The following RFTN1 variants were observed in gnomAD, a reference collection of about 807,000 sequenced individuals.
RFTN1 encodes the protein raftlin.
RFTN1 carries 26 observed loss-of-function variants against 46.5 expected under a neutral mutation model. The ratio of observed to expected loss-of-function variants is 0.56; its 90% CI spans 0.41 to 0.78. The LOEUF (loss-of-function observed/expected upper bound fraction) is 0.78, where lower values mean the gene tolerates loss of function less well. Ranked by LOEUF, RFTN1 falls within the 30% of genes least tolerant of loss-of-function variation. The pLI is 0.00. For missense variants in RFTN1, 693 were observed against 718.7 expected (o/e 0.96, Z 0.41); for synonymous variants, 261 against 284.2 (o/e 0.92, Z 0.82).
rs1221283425 is a variant in RFTN1 at position 16,320,501 on chromosome 3, A to G, written c.1332+2875T>C. ...AAAATCTGGGTACACAACACAGGAA[A>G]AAGGTCTTTGCTCTTGTGGAGACTA... On this transcript the variant is annotated intron_variant, in intron 9 of 9. Coordinates refer to ENST00000334133, the MANE Select transcript of RFTN1 (RefSeq NM_015150.2). This position sits in a 1 kb window ranked among gnomAD's most constrained non-coding sequence, Gnocchi z 4.5. 6.6e-6 allele frequency among the ~76,000 whole-genome samples: 1 copy of G among 152,242 alleles called. No individual in the cohort carries two copies. The highest frequency in any genetic ancestry group is 2.4e-5 in the African/African-American group (1 of 41,462).
At chr3:16,333,427 A>G (rs1207289814) in intron 7 of RFTN1, among the ~76,000 whole-genome samples, 1 of 152,248 alleles carries the variant, frequency 6.6e-6, no homozygotes, top group East Asian at 1.9e-4. Flanking sequence ...TAGTAAGCAG[A>G]TGAATTTGCA....
At chr3:16,350,519 C>T (rs530457841) in intron 7 of RFTN1, among the ~76,000 whole-genome samples, 3 of 150,672 alleles carry the variant, frequency 2.0e-5, no homozygotes, top group African/African-American at 7.3e-5. Flanking sequence ...AAGGAAAAGG[C>T]ACTCATCCAT....
At chr3:16,494,138 A>G (rs1039480621) in intron 1 of RFTN1, among the ~76,000 whole-genome samples, 1 of 152,200 alleles carries the variant, frequency 6.6e-6, no homozygotes, top group Non-Finnish European at 1.5e-5. Flanking sequence ...TACCTGTTTT[A>G]TATCTTTTTT....
chr3:16,505,052 CA>C (rs911256520), intron 1 of RFTN1, among the ~76,000 whole-genome samples: 7 of 152,198 alleles, frequency 4.6e-5, no homozygotes, highest in African/African-American at 1.7e-4. Context: ...TTCTCCAAAC[CA>C]ATCTGCCATC....
At chr3:16,357,129 C>A (rs28631583) in intron 7 of RFTN1, among the ~76,000 whole-genome samples, 1,572 of 76,800 alleles carry the variant, frequency 0.02, 37 homozygotes, top group African/African-American at 0.057. Context: ...AAAAAAAAAA[C>A]AAAAAAACAA....
intron 5 of RFTN1, among the ~76,000 whole-genome samples, chr3:16,373,638 T>G (rs2073617750): frequency 6.6e-6 from 1 of 152,166 alleles, no homozygotes; most frequent in Non-Finnish European, 1.5e-5. Context: ...AGGAGACCTC[T>G]GGTCTGGAGA....
rs2071872156 is a variant in RFTN1, at chr3:16,348,324, TAGG to T, written c.1146+9605_1146+9607del. Among the ~76,000 whole-genome samples, 1 of 152,030 alleles carries T rather than the reference TAGG, an allele frequency of 6.6e-6. No individual in the cohort carries two copies. Among genetic ancestry groups the T allele is most frequent in the African/African-American group, 2.4e-5 (1 of 41,370 alleles). ...CACATTATCTATTATTGAAGGCATCTAGGAGATCATCCACATTATCCAATATGT... is the reference window on the plus strand; with the variant it reads ...CACATTATCTATTATTGAAGGCATCTAGATCATCCACATTATCCAATATGT... On this transcript the variant is annotated intron_variant, in intron 7 of 9. Transcript: ENST00000334133. The surrounding 1 kb of genome is among the most constrained non-coding windows in gnomAD (Gnocchi z 6.3).
chr3:16,395,995 A>G (rs978246155), intron 4 of RFTN1, among the ~76,000 whole-genome samples: 8 of 152,226 alleles, frequency 5.3e-5, no homozygotes, highest in East Asian at 3.8e-4. Context: ...ATTGGGTTAA[A>G]TAAGACTTAT....
In RFTN1 at chr3:16,377,821, G is replaced by T. The variant is rs780253575; in HGVS notation, c.723C>A (p.Ser241=). The change falls in exon 5 of 10, where the codon TCC becomes TCA. Residue 241 remains serine (S), a synonymous_variant. Coordinates refer to ENST00000334133, the MANE Select transcript of RFTN1 (RefSeq NM_015150.2). ...VPLAKQPSSP[S]GEGDGGELSP... ...AAAGTTCTCCACCATCTCCCTCTCC[G>T]GAGGGTGAGCTGGGCTGCTTGGCGA... The T allele has an allele frequency of 1.2e-6, 2 of 1,614,186 alleles. No individual in the cohort carries two copies. Among genetic ancestry groups the T allele is most frequent in the East Asian group, 4.5e-5 (2 of 44,872 alleles).
intron 2 of RFTN1, among the ~76,000 whole-genome samples, chr3:16,491,358 G>C (rs190014385): frequency 6.6e-6 from 1 of 152,278 alleles, no homozygotes; most frequent in Admixed American, 6.5e-5. Flanking sequence ...CGGTCAAGGA[G>C]AGCTATGTCA....
chr3:16,375,119 G>C (rs905016756), intron 5 of RFTN1, among the ~76,000 whole-genome samples: 5 of 152,152 alleles, frequency 3.3e-5, no homozygotes, highest in African/African-American at 1.2e-4. Flanking sequence ...CCTGGCAGAA[G>C]AGGAGTAAAA....
At position 16,322,315 on chromosome 3, in the gene RFTN1, T is replaced by C. The variant is rs903940876; in HGVS notation, c.1332+1061A>G. Among the ~76,000 whole-genome samples the C allele has an allele frequency of 2.6e-5, 4 of 152,222 alleles. No homozygotes were observed. Among genetic ancestry groups the C allele is most frequent in the African/African-American group, 9.6e-5 (4 of 41,462 alleles). On this transcript the variant is annotated intron_variant, in intron 9 of 9. Coordinates refer to ENST00000334133, the MANE Select transcript of RFTN1 (RefSeq NM_015150.2). The surrounding 1 kb of genome is among the most constrained non-coding windows in gnomAD (Gnocchi z 6.2). ...CAAGTCACCATTGCTTTGGCACTCC[T>C]TCCACAAGTGGGCTCCCCCTGGAGT...
intron 2 of RFTN1, among the ~76,000 whole-genome samples, chr3:16,488,748 C>T (rs1424613182): frequency 6.6e-6 from 1 of 152,198 alleles, no homozygotes; most frequent in Non-Finnish European, 1.5e-5. Context: ...CCTAGCACTG[C>T]CTCTTTGGGC....
At position 16,404,337 on chromosome 3, in the gene RFTN1, TATATATAATATATAATATATATACACA is replaced by T. The variant is rs1559328965; in HGVS notation, c.441+5011_441+5037del. Among the ~76,000 whole-genome samples the T allele has an allele frequency of 8.9e-5, 3 of 33,554 alleles. No individual in the cohort carries two copies. The East Asian group carries it at 2.3e-3, about 26-fold the overall frequency. 22.0% of individuals were successfully genotyped at this position (33,554 alleles called of 152,430 possible). Reference sequence around the variant, plus strand: ...ATTATATATAATATATAATATATAATATATATAATATATAATATATATACACAATATATAATATATATAATATATAAT... The same window carrying T: ...ATTATATATAATATATAATATATAATATATATAATATATATAATATATAAT... On this transcript the variant is annotated intron_variant, in intron 4 of 9. Coordinates refer to ENST00000334133, the MANE Select transcript of RFTN1 (RefSeq NM_015150.2).
At position 16,327,557 on chromosome 3, in the gene RFTN1, A is replaced by G. The variant is rs528064104; in HGVS notation, c.1147-681T>C. On this transcript the variant is annotated intron_variant, in intron 7 of 9. Transcript: ENST00000334133. The surrounding 1 kb of genome is among the most constrained non-coding windows in gnomAD (Gnocchi z 4.2). ...GGTGGATCACATGGTCAGGAGATCA[A>G]GACCATCCTGGCTAACACAGTGAAA... 6.6e-6 allele frequency among the ~76,000 whole-genome samples: 1 copy of G among 152,188 alleles called. No individual in the cohort carries two copies. Among genetic ancestry groups the G allele is most frequent in the Admixed American group, 6.5e-5 (1 of 15,292 alleles).
chr3:16,368,993 G>T (rs2073372593), intron 6 of RFTN1, among the ~76,000 whole-genome samples: 1 of 152,160 alleles, frequency 6.6e-6, no homozygotes, highest in Non-Finnish European at 1.5e-5. Context: ...TTCAACAAAT[G>T]GTTATGGACC....
Position 16,348,632 on chromosome 3 carries a change from G to C in RFTN1, c.1146+9300C>G, listed in dbSNP as rs2071892005. Among the ~76,000 whole-genome samples, 1 of 152,154 alleles carries C rather than the reference G, an allele frequency of 6.6e-6. No individual in the cohort carries two copies. Among genetic ancestry groups the C allele is most frequent in the African/African-American group, 2.4e-5 (1 of 41,430 alleles). On this transcript the variant is annotated intron_variant, in intron 7 of 9. Coordinates refer to ENST00000334133, the MANE Select transcript of RFTN1 (RefSeq NM_015150.2). The surrounding 1 kb of genome is among the most constrained non-coding windows in gnomAD (Gnocchi z 6.3). ...TTCTTCCCGAGGCTCCTTGATGTGT[G>C]GGGCCTCAGCAAATGCCCCTTTGCA...
chr3:16,439,687 G>C (rs554938848), intron 2 of RFTN1, among the ~76,000 whole-genome samples: 1 of 152,302 alleles, frequency 6.6e-6, no homozygotes, highest in East Asian at 1.9e-4. Flanking sequence ...TGGGTGGCTG[G>C]AGTGAGGAAG....
rs2076862586 is a variant in RFTN1 at position 16,509,398 on chromosome 3, C to A, written c.-9+4044G>T. ...GGTCTTAGAAAAATGAAAACGTGAA[C>A]TTAGGGAAAGTTAACCTTGCAAGCT... is the stretch of plus-strand genomic sequence containing the variant. On this transcript the variant is annotated intron_variant, in intron 1 of 9. Coordinates refer to ENST00000334133, the MANE Select transcript of RFTN1 (RefSeq NM_015150.2). The surrounding 1 kb of genome is among the most constrained non-coding windows in gnomAD (Gnocchi z 4.9). 6.6e-6 allele frequency among the ~76,000 whole-genome samples: 1 copy of A among 152,080 alleles called. No individual in the cohort carries two copies. The highest frequency in any genetic ancestry group is 1.9e-4 in the East Asian group (1 of 5,198).
Sources: gnomAD v4.1 joint callset for allele counts (sites outside exome capture counted in the v4.1 genomes callset) on GRCh38, gnomAD v4.1.1 for gene constraint, Gnocchi (gnomAD v3.1) non-coding constraint, MANE v1.5 for transcripts, NCBI Gene and HGNC (gene_info 2026-07-23, HGNC 2026-07-21) for gene names.